Variants in RERE observed in about 807,000 individuals in gnomAD.
RERE encodes the protein arginine-glutamic acid dipeptide repeats protein.
Under a neutral mutation model 146.1 loss-of-function variants are expected in RERE, and 40 were observed. The observed-to-expected ratio is 0.27, with a 90% CI of 0.21 to 0.36. The LOEUF (loss-of-function observed/expected upper bound fraction) is 0.36. RERE is among the 10% of genes least tolerant of loss of function. The pLI is 1.00. For synonymous variants in RERE, 1,003 were observed against 866.0 expected (o/e 1.16, Z -2.78); for missense variants, 1,933 against 2,138.7 (o/e 0.90, Z 1.90).
intron 4 of RERE, among the ~76,000 whole-genome samples, chr1:8,584,033 A>G (rs1188199882): frequency 1.3e-5 from 2 of 152,160 alleles, no homozygotes; most frequent in Non-Finnish European, 2.9e-5. Context: ...ATATTATTAA[A>G]TAAATTATAC....
At chr1:8,588,775 G>T (rs1402364952) in intron 4 of RERE, among the ~76,000 whole-genome samples, 1 of 152,154 alleles carries the variant, frequency 6.6e-6, no homozygotes, top group East Asian at 1.9e-4. Flanking sequence ...CCTCCCTTTG[G>T]ACATCTTCCA....
intron 12 of RERE, among the ~76,000 whole-genome samples, chr1:8,374,291 G>C (rs1461296550): frequency 2.6e-5 from 4 of 152,032 alleles, no homozygotes; most frequent in African/African-American, 7.3e-5. Context: ...AAATAGGTGG[G>C]GCCAGTCTAA....
intron 1 of RERE, among the ~76,000 whole-genome samples, chr1:8,708,116 T>C (rs148890261): frequency 1.3e-5 from 2 of 152,128 alleles, no homozygotes; most frequent in Non-Finnish European, 2.9e-5. Context: ...GAAACTACTG[T>C]CCTATACAGA....
At chr1:8,598,089 A>G (rs1417648222) in intron 4 of RERE, among the ~76,000 whole-genome samples, 2 of 152,238 alleles carry the variant, frequency 1.3e-5, no homozygotes, top group East Asian at 3.8e-4. Context: ...GCAGCTGAAT[A>G]AAACAAGCTG....
At chr1:8,667,751 T>A (rs983366870) in intron 1 of RERE, among the ~76,000 whole-genome samples, 1 of 152,240 alleles carries the variant, frequency 6.6e-6, no homozygotes, top group African/African-American at 2.4e-5. Flanking sequence ...TACTTTTAAA[T>A]GTGAAGCTTT....
At chr1:8,691,088 G>A (rs189748873) in intron 1 of RERE, among the ~76,000 whole-genome samples, 44 of 152,090 alleles carry the variant, frequency 2.9e-4, no homozygotes, top group African/African-American at 7.2e-4. Flanking sequence ...AGTACAGACG[G>A]GGTTTTACCA....
intron 2 of RERE, among the ~76,000 whole-genome samples, chr1:8,643,759 T>C (rs966206207): frequency 6.6e-6 from 1 of 152,196 alleles, no homozygotes; most frequent in African/African-American, 2.4e-5. Context: ...AATGTTAGCG[T>C]GTGCCTCTCT....
chr1:8,737,859 T>G (rs1302049453), intron 1 of RERE, among the ~76,000 whole-genome samples: 1 of 152,234 alleles, frequency 6.6e-6, no homozygotes, highest in African/African-American at 2.4e-5. Context: ...AATGAAAGCT[T>G]AAGCAAAATG....
At chr1:8,733,381 T>C (rs1001716251) in intron 1 of RERE, among the ~76,000 whole-genome samples, 1 of 152,222 alleles carries the variant, frequency 6.6e-6, no homozygotes, top group Admixed American at 6.5e-5. Flanking sequence ...AGAACTGTGG[T>C]AACCAGCCCA....
chr1:8,732,740 CTGTGTGTGTGTCTGTATA>C (rs1472033146), intron 1 of RERE, among the ~76,000 whole-genome samples: 1 of 148,428 alleles, frequency 6.7e-6, no homozygotes, highest in Non-Finnish European at 1.5e-5. Flanking sequence ...AGGGGGAACT[CTGTGTGTGTGTCTGTATA>C]TGTGTGTGTG....
chr1:8,576,517 A>C (rs1166188598), intron 4 of RERE, among the ~76,000 whole-genome samples: 2 of 152,244 alleles, frequency 1.3e-5, no homozygotes, highest in African/African-American at 4.8e-5. Context: ...GAACTATTTA[A>C]TGAGTTTGTA....
At chr1:8,467,933 C>T (rs573550291) in intron 10 of RERE, among the ~76,000 whole-genome samples, 9 of 152,302 alleles carry the variant, frequency 5.9e-5, no homozygotes, top group Non-Finnish European at 1.0e-4. Context: ...CATGAGCCAC[C>T]GCACCCGGCC....
chr1:8,623,809 T>A (rs1008778068), intron 3 of RERE, among the ~76,000 whole-genome samples: 1 of 152,188 alleles, frequency 6.6e-6, no homozygotes, highest in African/African-American at 2.4e-5. Flanking sequence ...ATAACAACTT[T>A]ACCACGCCCA....
chr1:8,696,328 A>G (rs750672803), intron 1 of RERE, among the ~76,000 whole-genome samples: 6 of 152,230 alleles, frequency 3.9e-5, no homozygotes, highest in Non-Finnish European at 8.8e-5. Flanking sequence ...AAAATGTGGT[A>G]CAGGCTGGGT....
At chr1:8,751,620 A>G (rs1029498997) in intron 1 of RERE, among the ~76,000 whole-genome samples, 1 of 152,156 alleles carries the variant, frequency 6.6e-6, no homozygotes, top group African/African-American at 2.4e-5. Context: ...TATTATTCTG[A>G]AAAGTCCAAA....
intron 10 of RERE, among the ~76,000 whole-genome samples, chr1:8,491,881 G>A (rs1644983894): frequency 6.6e-6 from 1 of 152,010 alleles, no homozygotes. Context: ...TATACTCTAA[G>A]AAAACAATAA....
At chr1:8,544,162 T>C (rs965510712) in intron 6 of RERE, among the ~76,000 whole-genome samples, 1 of 152,182 alleles carries the variant, frequency 6.6e-6, no homozygotes, top group Non-Finnish European at 1.5e-5. Flanking sequence ...ATGCTATCAA[T>C]AGAGTGAAAA....
intron 1 of RERE, among the ~76,000 whole-genome samples, chr1:8,675,559 A>G (rs902857984): frequency 2.6e-5 from 4 of 151,416 alleles, no homozygotes; most frequent in African/African-American, 9.7e-5. Context: ...CTGTGGTTCC[A>G]GCTACTCGGG....
chr1:8,376,459 CAT>C (rs111440638), intron 12 of RERE, among the ~76,000 whole-genome samples: 10 of 152,204 alleles, frequency 6.6e-5, no homozygotes, highest in Non-Finnish European at 1.0e-4. Flanking sequence ...GAATTATGCA[CAT>C]GTCTATAGAA....
Sources: gnomAD v4.1 joint callset for allele counts (sites outside exome capture counted in the v4.1 genomes callset) on GRCh38, gnomAD v4.1.1 for gene constraint, MANE v1.5 for transcripts, NCBI Gene and HGNC (gene_info 2026-07-23, HGNC 2026-07-21) for gene names.